Variants in PLAGL2 observed in about 807,000 individuals in gnomAD.
PLAGL2 encodes PLAG1 like zinc finger 2, also known as zinc finger protein PLAGL2.
In PLAGL2, 7 loss-of-function variants were observed where a neutral mutation model predicts 29.0. The observed-to-expected ratio is 0.24, with a 90% CI of 0.14 to 0.45. The LOEUF (loss-of-function observed/expected upper bound fraction) is 0.45. PLAGL2 is among the 20% of genes least tolerant of loss of function. The probability of loss-of-function intolerance (pLI) is 0.99; values close to 1 mark genes in which losing one functional copy is unlikely to be tolerated. For missense variants in PLAGL2, 454 were observed against 648.2 expected (o/e 0.70, Z 3.25); for synonymous variants, 234 against 266.0 (o/e 0.88, Z 1.17).
intron 2 of PLAGL2, among the ~76,000 whole-genome samples, chr20:32,198,137 A>G (rs1389509157): frequency 6.6e-6 from 1 of 152,234 alleles, no homozygotes; most frequent in East Asian, 1.9e-4. Context: ...GTATATGGCT[A>G]AAATATTTCT....
intron 1 of PLAGL2, among the ~76,000 whole-genome samples, chr20:32,204,633 A>G (rs2047276563): frequency 6.6e-6 from 1 of 152,146 alleles, no homozygotes; most frequent in South Asian, 2.1e-4. Context: ...TTGGATAACC[A>G]AAGCTGCTAG....
At position 32,202,229 on chromosome 20, in the gene PLAGL2, C is replaced by T. The variant is rs929076152; in HGVS notation, c.-51G>A. ...GTTATTGAGAAAGCCTCCCCATCCG[C>T]TCCACACAGGCTCTCAGCTCTGTCA... is the stretch of plus-strand genomic sequence containing the variant. On this transcript the variant is annotated 5_prime_UTR_variant, in exon 2 of 3. Coordinates refer to ENST00000246229, the MANE Select transcript of PLAGL2 (RefSeq NM_002657.3). 6.3e-6 allele frequency: 10 copies of T among 1,590,004 alleles called. No individual in the cohort carries two copies. In the Admixed American group the frequency reaches 1.2e-4, roughly 19 times the overall value.
rs1416416713 is a variant in PLAGL2 at position 32,193,997 on chromosome 20, CAG to C, written c.*2453_*2454del. The C allele has an allele frequency of 6.5e-6, 1 of 152,832 alleles. No individual in the cohort carries two copies. The highest frequency in any genetic ancestry group is 1.5e-5 in the Non-Finnish European group (1 of 68,172). The allele number at this position is 152,832 out of a possible 1,614,324, so 9.5% of individuals were successfully genotyped here. ...GAGTGGGGAAGGCAAGGAGAAAAGA[CAG>C]GAGGTGGGGGCAAGGCCCCGGTTAC... On this transcript the variant is annotated 3_prime_UTR_variant, in exon 3 of 3. Transcript: ENST00000246229.
rs757376429 is a variant in PLAGL2, at chr20:32,196,754, C to A, written c.1189G>T (p.Ala397Ser). 6 of 1,597,070 alleles carry A rather than the reference C, an allele frequency of 3.8e-6. No individual in the cohort carries two copies. In the South Asian group the frequency reaches 6.8e-5, roughly 18 times the overall value. Residue 397 changes from alanine (A) to serine (S), a missense_variant, in exon 3 of 3, where the codon GCC becomes TCC. Ala to Ser is a moderately conservative substitution (Grantham distance 99). This residue lies in a region of PLAGL2 where 247 missense variants were observed against 350.3 expected (regional missense o/e 0.71). Transcript: ENST00000246229. ...AAALLDEALL[A>S]KSPANLSEAL... ...TCAGAGAGGTTGGCGGGGCTCTTGGCAAGCAGTGCTTCATCTAGGAGGGCC... is the reference window on the plus strand; with the variant it reads ...TCAGAGAGGTTGGCGGGGCTCTTGGAAAGCAGTGCTTCATCTAGGAGGGCC...
intron 1 of PLAGL2, among the ~76,000 whole-genome samples, chr20:32,207,091 C>CT (rs897089500): frequency 2.5e-4 from 38 of 152,092 alleles, no homozygotes; most frequent in African/African-American, 8.2e-4. Flanking sequence ...AGTATGGCCA[C>CT]TGAGGAGGGA....
rs925644462 is a variant in PLAGL2 at position 32,196,338 on chromosome 20, T to TC, written c.*113_*114insG. Reference sequence around the variant, plus strand: ...GCTCCTGTATACAGACACTGGAATTTTTTTTTTTGAACCCAGCTCTGAAAG... The same window carrying TC: ...GCTCCTGTATACAGACACTGGAATTTCTTTTTTTTGAACCCAGCTCTGAAAG... On this transcript the variant is annotated 3_prime_UTR_variant, in exon 3 of 3. Transcript: ENST00000246229. The TC allele has an allele frequency of 2.6e-6, 2 of 765,104 alleles. No homozygotes were observed. The highest frequency in any genetic ancestry group is 3.6e-5 in the African/African-American group (2 of 55,650). The allele number at this position is 765,104 out of a possible 1,614,324, so 47.4% of individuals were successfully genotyped here. A position where few individuals can be genotyped will look rare whatever the true frequency, so the allele number is the denominator to read the frequency against.
At chr20:32,199,440 C>T (rs1569140547) in intron 2 of PLAGL2, among the ~76,000 whole-genome samples, 1 of 152,210 alleles carries the variant, frequency 6.6e-6, no homozygotes, top group African/African-American at 2.4e-5. Flanking sequence ...AGCAACTCAC[C>T]TAAGATCACA....
At chr20:32,198,186 T>C (rs1220242270) in intron 2 of PLAGL2, among the ~76,000 whole-genome samples, 1 of 152,224 alleles carries the variant, frequency 6.6e-6, no homozygotes, top group Non-Finnish European at 1.5e-5. Flanking sequence ...TGGCTGCCTA[T>C]GCGAAAAAGA....
At position 32,197,160 on chromosome 20, in the gene PLAGL2, G is replaced by A. The variant is rs772585650; in HGVS notation, c.783C>T (p.Ser261=). 8 of 1,614,240 alleles carry A rather than the reference G, an allele frequency of 5.0e-6. No individual in the cohort carries two copies. The highest frequency in any genetic ancestry group is 5.1e-6 in the Non-Finnish European group (6 of 1,180,042). The change falls in exon 3 of 3, where the codon AGC becomes AGT. Residue 261 remains serine (S), a synonymous_variant. Transcript: ENST00000246229. This position sits in a 1 kb window ranked among gnomAD's most constrained non-coding sequence, Gnocchi z 6.6. ...TEPVDMLGLL[S]CSSTVSVKEE... is the part of the protein sequence containing the mutation. ...CCTTCACACTGACTGTGGAGCTGCA[G>A]CTGAGTAGGCCTAACATGTCCACGG...
chr20:32,201,172 A>C (rs2047257383), intron 2 of PLAGL2, among the ~76,000 whole-genome samples: 1 of 152,208 alleles, frequency 6.6e-6, no homozygotes. Context: ...CTCTACTTTA[A>C]AATTTACAGA....
intron 1 of PLAGL2, among the ~76,000 whole-genome samples, chr20:32,203,970 T>C (rs752481150): frequency 1.3e-5 from 2 of 152,148 alleles, no homozygotes; most frequent in Non-Finnish European, 2.9e-5. Context: ...CTTCAAGTCA[T>C]TATGGCATAT....
In PLAGL2 at chr20:32,194,459, G is replaced by A. The variant is rs2047217492; in HGVS notation, c.*1993C>T. ...AATCATCTAGTCTGATTCTAACCTT[G>A]CCAGACATTTTAATATCTGGTGTTT... On this transcript the variant is annotated 3_prime_UTR_variant, in exon 3 of 3. Coordinates refer to ENST00000246229, the MANE Select transcript of PLAGL2 (RefSeq NM_002657.3). 1 of 152,580 alleles carries A rather than the reference G, an allele frequency of 6.6e-6. No homozygotes were observed. The highest frequency in any genetic ancestry group is 2.1e-4 in the South Asian group (1 of 4,820). 9.5% of individuals were successfully genotyped at this position (152,580 alleles called of 1,614,324 possible).
At chr20:32,205,391 C>T (rs945136419) in intron 1 of PLAGL2, among the ~76,000 whole-genome samples, 72 of 152,296 alleles carry the variant, frequency 4.7e-4, no homozygotes, top group African/African-American at 1.6e-3. Flanking sequence ...TCCCTCCAGG[C>T]ACCATCTCCT....
intron 1 of PLAGL2, among the ~76,000 whole-genome samples, chr20:32,204,507 G>C (rs1489410023): frequency 1.3e-5 from 2 of 152,176 alleles, no homozygotes; most frequent in East Asian, 3.9e-4. Context: ...TGCTCACCTT[G>C]ATCTGCTTTT....
intron 2 of PLAGL2, among the ~76,000 whole-genome samples, chr20:32,199,837 CA>C (rs996833744): frequency 1.1e-4 from 15 of 138,114 alleles, no homozygotes; most frequent in East Asian, 6.3e-4. Flanking sequence ...GACCCTGTCT[CA>C]AAAAAAAAAG....
chr20:32,193,355 A>G lies in PLAGL2; in HGVS notation c.*3097T>C, dbSNP rs1435575308. The G allele has an allele frequency of 6.6e-6, 1 of 152,198 alleles. No individual in the cohort carries two copies. The highest frequency in any genetic ancestry group is 1.9e-4 in the East Asian group (1 of 5,196). The allele number at this position is 152,198 out of a possible 1,614,324, so 9.4% of individuals were successfully genotyped here. A position where few individuals can be genotyped will look rare whatever the true frequency, so the allele number is the denominator to read the frequency against. ...ATCACACCTGCTTCCCGGATTTTCA[A>G]TTAAGAAAATGCCATTTGTAAAAGG... On this transcript the variant is annotated 3_prime_UTR_variant, in exon 3 of 3. Coordinates refer to ENST00000246229, the MANE Select transcript of PLAGL2 (RefSeq NM_002657.3).
rs1600371461 is a variant in PLAGL2 at position 32,193,810 on chromosome 20, A to G, written c.*2642T>C. The stretch of plus-strand genomic sequence containing the variant: ...CCGACCCCCCAGATTTTAGGAAGGG[A>G]GGTTTAAGAAATGACTGGCTAGCTA... On this transcript the variant is annotated 3_prime_UTR_variant, in exon 3 of 3. Transcript: ENST00000246229. 1 of 151,012 alleles carries G rather than the reference A, an allele frequency of 6.6e-6. No individual in the cohort carries two copies. Among genetic ancestry groups the G allele is most frequent in the Non-Finnish European group, 1.5e-5 (1 of 68,218 alleles). 9.4% of individuals were successfully genotyped at this position (151,012 alleles called of 1,614,324 possible).
Sources: gnomAD v4.1 joint callset for allele counts (sites outside exome capture counted in the v4.1 genomes callset) on GRCh38, gnomAD v4.1.1 for gene constraint, gnomAD v4.1.1 regional missense constraint, Gnocchi (gnomAD v3.1) non-coding constraint, MANE v1.5 for transcripts, NCBI Gene and HGNC (gene_info 2026-07-23, HGNC 2026-07-21) for gene names.